Variants in PGK1 observed in about 807,000 individuals in gnomAD.
The protein encoded by PGK1 is PRP 2.
A neutral mutation model predicts 26.9 loss-of-function variants in PGK1; 3 were observed. The ratio of observed to expected loss-of-function variants is 0.11; its 90% CI spans 0.05 to 0.29. The LOEUF (loss-of-function observed/expected upper bound fraction) is 0.29. PGK1 is among the 10% of genes least tolerant of loss of function. The probability of loss-of-function intolerance (pLI) is 1.00; values close to 1 mark genes in which losing one functional copy is unlikely to be tolerated. For missense variants in PGK1, 270 were observed against 314.7 expected (o/e 0.86, Z 1.07); for synonymous variants, 125 against 115.3 (o/e 1.08, Z -0.54).
chrX:78,118,736 G>A (rs1184558202), intron 6 of PGK1, among the ~76,000 whole-genome samples: 1 of 111,426 alleles, frequency 9.0e-6, no homozygotes, highest in Non-Finnish European at 1.9e-5. Flanking sequence ...GGAGGGGAAT[G>A]GTTATCAGAA....
intron 6 of PGK1, among the ~76,000 whole-genome samples, 193 bp downstream of exon 6, chrX:78,118,363 G>T (rs1304383237): frequency 9.0e-6 from 1 of 110,579 alleles, no homozygotes; most frequent in Non-Finnish European, 1.9e-5. Context: ...CAGGAAGATT[G>T]CTTGAGCCCA....
rs2078385971 is a variant in PGK1 at position 78,126,836 on chromosome X, G to T, written c.*1006G>T. 9.0e-6 allele frequency: 1 copy of T among 111,538 alleles called. No individual in the cohort carries two copies. Among genetic ancestry groups the T allele is most frequent in the Admixed American group, 9.5e-5 (1 of 10,529 alleles). The allele number at this position is 111,538 out of a possible 1,213,427, so 9.2% of individuals were successfully genotyped here. A position where few individuals can be genotyped will look rare whatever the true frequency, so the allele number is the denominator to read the frequency against. ...TAAATTTACTTATGTAACTTTTATT[G>T]TCTTTGGCATTAACAGTGTTTCAAA... On this transcript the variant is annotated 3_prime_UTR_variant, in exon 11 of 11. Coordinates refer to ENST00000373316, the MANE Select transcript of PGK1 (RefSeq NM_000291.4).
intron 6 of PGK1, 139 bp from the exon 7 acceptor site, chrX:78,122,696 T>A (rs1035999708): frequency 2.1e-6 from 1 of 474,739 alleles, no homozygotes; most frequent in Non-Finnish European, 3.8e-6. Flanking sequence ...TGGAGAAACA[T>A]AGGGCAAAGT....
At chrX:78,124,813 G>T in intron 8 of PGK1, 61 bp from the exon 9 acceptor site, 1 of 977,765 alleles carries the variant, frequency 1.0e-6, no homozygotes, top group Non-Finnish European at 1.5e-6. Context: ...GGTCTTGGTG[G>T]AGGTGGTGTT....
intron 6 of PGK1, among the ~76,000 whole-genome samples, chrX:78,122,502 G>T (rs2078361100): frequency 9.4e-6 from 1 of 106,924 alleles, no homozygotes; most frequent in Non-Finnish European, 1.9e-5. Flanking sequence ...TTAGACAAGA[G>T]TAGGTCTTCT....
At chrX:78,109,227 G>A (rs1325279161) in intron 1 of PGK1, among the ~76,000 whole-genome samples, 2 of 111,807 alleles carry the variant, frequency 1.8e-5, no homozygotes, top group African/African-American at 6.5e-5. Context: ...GAAAGAGGCT[G>A]TCTTATGTTG....
chrX:78,125,746 C>T (rs782043600), intron 10 of PGK1, 44 bp from the exon 11 acceptor site: 2 of 1,075,633 alleles, frequency 1.9e-6, no homozygotes, highest in Non-Finnish European at 1.3e-6. Context: ...CTTACTGGGC[C>T]CTATAGTAAT....
At position 78,128,677 on chromosome X, in the gene PGK1, T is replaced by C. The variant is rs1569550946; in HGVS notation, c.*2847T>C. ...TTAACCCTAGACTATATATGTGTGT[T>C]TATATGCAGAAAAAAATAATTCCCA... On this transcript the variant is annotated 3_prime_UTR_variant, in exon 11 of 11. Transcript: ENST00000373316. The C allele has an allele frequency of 8.9e-6, 1 of 112,507 alleles. No individual in the cohort carries two copies. The highest frequency in any genetic ancestry group is 1.9e-5 in the Non-Finnish European group (1 of 53,309). The allele number at this position is 112,507 out of a possible 1,213,427, so 9.3% of individuals were successfully genotyped here. A position where few individuals can be genotyped will look rare whatever the true frequency, so the allele number is the denominator to read the frequency against.
chrX:78,106,034 C>T (rs1257691578), intron 1 of PGK1, among the ~76,000 whole-genome samples: 6 of 112,214 alleles, frequency 5.3e-5, no homozygotes, highest in Non-Finnish European at 1.1e-4. Context: ...ATGCTGATAA[C>T]CTTCCTGTAA....
In PGK1 at chrX:78,114,307, A is replaced by G. The variant is rs2078316078; in HGVS notation, c.417+147A>G. ...CCGACACAGCTTGATGGGTTATCTC[A>G]AAGTAAACACACTTGTGTAACCACC... On this transcript the variant is annotated intron_variant, in intron 4 of 10. Coordinates refer to ENST00000373316, the MANE Select transcript of PGK1 (RefSeq NM_000291.4). 3 of 598,354 alleles carry G rather than the reference A, an allele frequency of 5.0e-6. No homozygotes were observed. In the Admixed American group the frequency reaches 7.4e-5, roughly 15 times the overall value. The allele number at this position is 598,354 out of a possible 1,213,427, so 49.3% of individuals were successfully genotyped here.
intron 5 of PGK1, 74 bp from the exon 6 acceptor site, chrX:78,117,977 T>C: frequency 1.0e-6 from 1 of 990,946 alleles, no homozygotes; most frequent in African/African-American, 1.9e-5. Flanking sequence ...ATTTTAGTGA[T>C]AAGGAGCTGG....
At chrX:78,121,277 G>C (rs1290515380) in intron 6 of PGK1, among the ~76,000 whole-genome samples, 1 of 112,120 alleles carries the variant, frequency 8.9e-6, no homozygotes, top group Non-Finnish European at 1.9e-5. Flanking sequence ...GGTATCTCTT[G>C]TAATAATCTC....
intron 6 of PGK1, 138 bp downstream of exon 6, chrX:78,118,308 A>G: frequency 6.0e-6 from 4 of 669,341 alleles, no homozygotes; most frequent in Non-Finnish European, 9.5e-6. Flanking sequence ...CAGGCTGGGC[A>G]TGGTGGCTCA....
intron 6 of PGK1, among the ~76,000 whole-genome samples, chrX:78,122,514 A>T (rs1372259063): frequency 1.9e-5 from 2 of 107,334 alleles, no homozygotes; most frequent in Non-Finnish European, 3.8e-5. Flanking sequence ...AGGTCTTCTG[A>T]GCCCTGCTTA....
At chrX:78,109,978 T>C in intron 2 of PGK1, 61 bp downstream of exon 2, 1 of 764,610 alleles carries the variant, frequency 1.3e-6, no homozygotes, top group Non-Finnish European at 2.1e-6. Context: ...CAGGATGAAA[T>C]GTTTTTCCTT....
chrX:78,118,246 T>C, intron 6 of PGK1, 76 bp downstream of exon 6: 1 of 1,036,355 alleles, frequency 9.6e-7, no homozygotes. Flanking sequence ...TGGTTTATTG[T>C]CATATAGCTC....
At chrX:78,117,465 C>T (rs2078332277) in intron 5 of PGK1, 50 bp downstream of exon 5, 1 of 813,880 alleles carries the variant, frequency 1.2e-6, no homozygotes, top group South Asian at 2.0e-5. Flanking sequence ...TTCCTATTTA[C>T]TTGAGTAGCC....
intron 1 of PGK1, among the ~76,000 whole-genome samples, chrX:78,105,175 C>G (rs2078265360): frequency 8.9e-6 from 1 of 112,390 alleles, no homozygotes; most frequent in Non-Finnish European, 1.9e-5. Flanking sequence ...TCCTCGTGCA[C>G]TTTGGGTCTC....
intron 2 of PGK1, among the ~76,000 whole-genome samples, chrX:78,112,861 A>T (rs1363108869): frequency 1.8e-5 from 2 of 112,386 alleles, no homozygotes; most frequent in Non-Finnish European, 3.8e-5. Flanking sequence ...GAGGGGACAC[A>T]TCAAGTGTTT....
Sources: allele counts gnomAD v4.1 joint callset (sites outside exome capture counted in the v4.1 genomes callset), GRCh38; gene constraint gnomAD v4.1.1; transcripts MANE v1.5; gene names NCBI Gene and HGNC (gene_info 2026-07-23, HGNC 2026-07-21).